MGRN1: variants seen among roughly 807,000 people sequenced by gnomAD.
The protein encoded by MGRN1 is mahogunin ring finger 1, also known as E3 ubiquitin-protein ligase MGRN1.
In MGRN1, 29 loss-of-function variants were observed where a neutral mutation model predicts 69.2. The observed-to-expected ratio is 0.42, with a 90% CI of 0.31 to 0.57. The LOEUF (loss-of-function observed/expected upper bound fraction) is 0.57. Among genes scored for constraint, MGRN1 ranks in the 20% least tolerant of loss-of-function variants. The pLI is 0.15. For missense variants in MGRN1, 998 were observed against 796.2 expected, an observed-to-expected ratio of 1.25 and a Z score of -3.05; for synonymous variants, 470 against 344.2, an observed-to-expected ratio of 1.37 and a Z score of -4.04.
chr16:4,688,782 G>A lies in MGRN1; in HGVS notation c.1619-14G>A. ...ATCCGAGTGTGACCCTCCTCCCTCT[G>A]CTCCCACCTGCAGGACGGCCCACCT... On this transcript the variant is annotated splice_polypyrimidine_tract_variant and intron_variant, in intron 16 of 16. Coordinates refer to ENST00000262370, the MANE Select transcript of MGRN1 (RefSeq NM_015246.4). 1 of 1,536,324 alleles carries A rather than the reference G, an allele frequency of 6.5e-7. No individual in the cohort carries two copies. Among genetic ancestry groups the A allele is most frequent in the East Asian group, 2.5e-5 (1 of 40,526 alleles).
At chr16:4,652,594 G>C in intron 3 of MGRN1, 84 bp from the exon 4 acceptor site, 1 of 1,488,194 alleles carries the variant, frequency 6.7e-7, no homozygotes, top group South Asian at 1.3e-5. Context: ...CCACCTCCAC[G>C]GCCCCTCAGC....
At position 4,665,154 on chromosome 16, in the gene MGRN1, A is replaced by T; in HGVS notation, c.678+3A>T. 6.2e-7 allele frequency: 1 copy of T among 1,614,020 alleles called. No homozygotes were observed. The highest frequency in any genetic ancestry group is 1.1e-5 in the South Asian group (1 of 91,068). On this transcript the variant is annotated splice_donor_region_variant and intron_variant, in intron 7 of 16. Coordinates refer to ENST00000262370, the MANE Select transcript of MGRN1 (RefSeq NM_015246.4). ...TGCTCTTGGCTGCCTTTGAAAAGGT[A>T]AGTGCCATCTGGCCATCACTTTCCC...
chr16:4,680,447 T>C (rs1247503813), intron 12 of MGRN1: 2 of 275,442 alleles, frequency 7.3e-6, no homozygotes, highest in Non-Finnish European at 7.1e-6. Flanking sequence ...CCGCGCATGC[T>C]TCTTGGCCCC....
intron 1 of MGRN1, among the ~76,000 whole-genome samples, chr16:4,645,222 G>A (rs115092730): frequency 0.037 from 5,668 of 151,946 alleles, 365 homozygotes; most frequent in African/African-American, 0.13. Flanking sequence ...GTGCAGTGTG[G>A]TGTGATCATG....
rs1425578370 is a variant in MGRN1 at position 4,683,226 on chromosome 16, T to G, written c.1485T>G (p.Ser495Arg). The G allele has an allele frequency of 1.2e-6, 2 of 1,613,136 alleles. No individual in the cohort carries two copies. Among genetic ancestry groups the G allele is most frequent in the African/African-American group, 2.7e-5 (2 of 74,774 alleles). Residue 495 changes from serine to arginine, a missense_variant and splice_region_variant, in exon 15 of 17, where the codon AGT becomes AGG. Transcript: ENST00000262370. ...CTACTTTCCCCTTTGTTTCCTAGAG[T>G]TTCATAACAGAAGAGGTTGATGAGT... Reference protein sequence around the residue: ...LALRESSSPESFITEEVDESS... With the variant: ...LALRESSSPERFITEEVDESS...
At chr16:4,643,208 T>C (rs1418379942) in intron 1 of MGRN1, among the ~76,000 whole-genome samples, 1 of 151,764 alleles carries the variant, frequency 6.6e-6, no homozygotes, top group Non-Finnish European at 1.5e-5. Flanking sequence ...GATCCACTCC[T>C]CTCGGCCTCC....
chr16:4,682,348 G>T lies in MGRN1; in HGVS notation c.1359-475G>T, dbSNP rs566978260. Among the ~76,000 whole-genome samples the T allele has an allele frequency of 2.7e-3, 413 of 152,352 alleles. 3 individuals carry two copies. Among genetic ancestry groups the T allele is most frequent in the Non-Finnish European group, 4.8e-3 (327 of 68,032 alleles). ...CCACGGGTCATTCGTGGTTCCCCTG[G>T]AGCCTTGCGGTGTATAGAGCGGCGG... On this transcript the variant is annotated intron_variant, in intron 13 of 16. Transcript: ENST00000262370.
chr16:4,688,795 GGACGGCCCACCTCCATGGA>G lies in MGRN1; in HGVS notation c.1629_1647del (p.Ser544AlafsTer24), dbSNP rs1567250533. On this transcript the variant is annotated frameshift_variant and splice_region_variant, in exon 17 of 17. Transcript: ENST00000262370. LOFTEE classifies it high-confidence loss of function. ...CCTCCTCCCTCTGCTCCCACCTGCA[GGACGGCCCACCTCCATGGA>G]GACGGCCCACGGCCTCGCCACCACC... The G allele has an allele frequency of 1.3e-6, 2 of 1,545,118 alleles. No individual in the cohort carries two copies. Among genetic ancestry groups the G allele is most frequent in the Non-Finnish European group, 1.8e-6 (2 of 1,142,426 alleles).
chr16:4,682,214 C>A (rs886921060), intron 13 of MGRN1, among the ~76,000 whole-genome samples: 1 of 152,236 alleles, frequency 6.6e-6, no homozygotes, highest in African/African-American at 2.4e-5. Flanking sequence ...ACTCACTGCT[C>A]TTGCCGTTCG....
intron 1 of MGRN1, among the ~76,000 whole-genome samples, chr16:4,627,083 A>G (rs1170174760): frequency 6.6e-6 from 1 of 152,170 alleles, no homozygotes; most frequent in African/African-American, 2.4e-5. Context: ...GAACTCCGTC[A>G]GGTCAAGGGT....
At position 4,680,115 on chromosome 16, in the gene MGRN1, C is replaced by T. The variant is rs113109712; in HGVS notation, c.1131+18C>T. On this transcript the variant is annotated intron_variant, in intron 12 of 16. Transcript: ENST00000262370. ...GGGAAACAGTAAGTGTCTGGTCCTC[C>T]GGCTACGTTTTTTTGCCCCCGCCCT... The T allele has an allele frequency of 3.6e-4, 587 of 1,612,688 alleles. 4 individuals carry two copies. In the African/African-American group the frequency reaches 6.4e-3, roughly 18 times the overall value.
chr16:4,661,206 C>T (rs71388592), intron 5 of MGRN1, among the ~76,000 whole-genome samples: 3 of 152,060 alleles, frequency 2.0e-5, no homozygotes, highest in East Asian at 1.9e-4. Context: ...CTCAAACTCC[C>T]GGGCTCCAGC....
chr16:4,654,647 C>T (rs1003268737), intron 4 of MGRN1, among the ~76,000 whole-genome samples: 21 of 152,360 alleles, frequency 1.4e-4, no homozygotes, highest in African/African-American at 4.6e-4. Flanking sequence ...GGGCACATGA[C>T]TGCTTGTGCC....
chr16:4,659,723 G>T (rs1182191921), intron 5 of MGRN1, among the ~76,000 whole-genome samples: 1 of 152,260 alleles, frequency 6.6e-6, no homozygotes, highest in Non-Finnish European at 1.5e-5. Flanking sequence ...TGCTATCCTT[G>T]TCAGGACTTT....
At chr16:4,679,920 G>C (rs2079140639) in intron 11 of MGRN1, 112 bp from the exon 12 acceptor site, 2 of 1,025,238 alleles carry the variant, frequency 2.0e-6, no homozygotes, top group Non-Finnish European at 2.9e-6. Context: ...CCGGAAGCTT[G>C]TGAAGTTCTG....
At chr16:4,687,776 A>G (rs1004025725) in intron 16 of MGRN1, 1 of 985,412 alleles carries the variant, frequency 1.0e-6, no homozygotes, top group Non-Finnish European at 1.2e-6. Flanking sequence ...GCAGGCTCTA[A>G]GAGGCCCTTT....
chr16:4,646,827 A>C (rs2078284473), intron 1 of MGRN1, among the ~76,000 whole-genome samples: 1 of 152,144 alleles, frequency 6.6e-6, no homozygotes, highest in South Asian at 2.1e-4. Flanking sequence ...TGTGCCTTGA[A>C]GGTGCCCTGG....
chr16:4,651,755 G>C (rs1490158195), intron 2 of MGRN1, among the ~76,000 whole-genome samples: 2 of 152,108 alleles, frequency 1.3e-5, no homozygotes, highest in African/African-American at 4.8e-5. Flanking sequence ...GATTTGCTCA[G>C]GGTGATTTGG....
At chr16:4,635,467 TC>T (rs1223789564) in intron 1 of MGRN1, among the ~76,000 whole-genome samples, 1 of 151,870 alleles carries the variant, frequency 6.6e-6, no homozygotes, top group African/African-American at 2.4e-5. Context: ...GCTAACATAT[TC>T]TTTTTTTTTT....
Sources: allele counts gnomAD v4.1 joint callset (sites outside exome capture counted in the v4.1 genomes callset), GRCh38; gene constraint gnomAD v4.1.1; transcripts MANE v1.5; gene names NCBI Gene and HGNC (gene_info 2026-07-23, HGNC 2026-07-21).